The following DYNC2H1 variants were observed in gnomAD, a reference collection of about 807,000 sequenced individuals.
DYNC2H1 encodes the protein cytoplasmic dynein 2 heavy chain 1.
A neutral mutation model predicts 570.0 loss-of-function variants in DYNC2H1; 410 were observed. That is an observed-to-expected ratio of 0.72 (90% CI 0.66 to 0.78). The LOEUF is 0.78. Among genes scored for constraint, DYNC2H1 ranks in the 30% least tolerant of loss-of-function variants. DYNC2H1 has a pLI of 0.00. For missense variants in DYNC2H1, 4,865 were observed against 5,046.4 expected (o/e 0.96, Z 1.09); for synonymous variants, 1,688 against 1,677.6 (o/e 1.01, Z -0.15).
At position 103,189,659 on chromosome 11, in the gene DYNC2H1, C is replaced by T. The variant is rs372796223; in HGVS notation, c.7293-13C>T. On this transcript the variant is annotated splice_polypyrimidine_tract_variant and intron_variant, in intron 44 of 88. Transcript: ENST00000375735. This position sits in a 1 kb window ranked among gnomAD's most constrained non-coding sequence, Gnocchi z 4.3. Reference sequence around the variant, plus strand: ...TTTATTTCAGCTTTCTTCTTATATGCCATTTTTTTTAGTTACCCAGAAAGA... The same window carrying T: ...TTTATTTCAGCTTTCTTCTTATATGTCATTTTTTTTAGTTACCCAGAAAGA... 1.9e-6 allele frequency: 3 copies of T among 1,609,688 alleles called. No individual in the cohort carries two copies. Among genetic ancestry groups the T allele is most frequent in the South Asian group, 2.2e-5 (2 of 90,538 alleles).
chr11:103,422,479 AG>A (rs1392556270), intron 84 of DYNC2H1, among the ~76,000 whole-genome samples: 1 of 152,166 alleles, frequency 6.6e-6, no homozygotes, highest in Non-Finnish European at 1.5e-5. Flanking sequence ...CACATCAAAA[AG>A]CTTATCCACC....
At chr11:103,180,545 A>G (rs964362421) in intron 39 of DYNC2H1, among the ~76,000 whole-genome samples, 3 of 151,724 alleles carry the variant, frequency 2.0e-5, no homozygotes, top group African/African-American at 7.2e-5. Flanking sequence ...ACAAATACAT[A>G]TTAACTTTTT....
At chr11:103,458,176 A>G (rs1693742464) in intron 87 of DYNC2H1, among the ~76,000 whole-genome samples, 1 of 151,928 alleles carries the variant, frequency 6.6e-6, no homozygotes, top group South Asian at 2.1e-4. Flanking sequence ...CAGGTATAGG[A>G]TTTTTTTTAT....
chr11:103,426,349 C>CT (rs1001277626), intron 84 of DYNC2H1, among the ~76,000 whole-genome samples: 4 of 152,152 alleles, frequency 2.6e-5, no homozygotes, highest in Non-Finnish European at 5.9e-5. Context: ...GTGTGTGTGT[C>CT]TTTAATTCCT....
intron 78 of DYNC2H1, among the ~76,000 whole-genome samples, chr11:103,309,173 T>G (rs1431690298): frequency 9.7e-6 from 1 of 102,820 alleles, no homozygotes; most frequent in African/African-American, 3.6e-5. Flanking sequence ...ATGCTATTTT[T>G]TTTTTTTTTT....
At chr11:103,160,409 A>G (rs1212244452) in intron 28 of DYNC2H1, among the ~76,000 whole-genome samples, 1 of 152,040 alleles carries the variant, frequency 6.6e-6, no homozygotes, top group Non-Finnish European at 1.5e-5. Context: ...GTAGACATAC[A>G]TTTTTATTTG....
chr11:103,457,861 ACT>A (rs1445327345), intron 87 of DYNC2H1, among the ~76,000 whole-genome samples: 1 of 152,180 alleles, frequency 6.6e-6, no homozygotes, highest in Non-Finnish European at 1.5e-5. Context: ...TGCTCAAAAC[ACT>A]TTTTACTTTA....
At chr11:103,278,095 G>A (rs574406446) in intron 70 of DYNC2H1, among the ~76,000 whole-genome samples, 89 of 151,938 alleles carry the variant, frequency 5.9e-4, no homozygotes, top group African/African-American at 2.1e-3. Context: ...TTTTTCTGAT[G>A]CTTGAGGACC....
chr11:103,397,363 A>G (rs1364670302), intron 83 of DYNC2H1, among the ~76,000 whole-genome samples: 2 of 152,154 alleles, frequency 1.3e-5, no homozygotes, highest in Non-Finnish European at 2.9e-5. Flanking sequence ...GTCAGTTGCT[A>G]GTTTCATCAA....
chr11:103,111,995 G>T (rs1314546568), intron 1 of DYNC2H1, among the ~76,000 whole-genome samples: 1 of 152,182 alleles, frequency 6.6e-6, no homozygotes, highest in Admixed American at 6.5e-5. Context: ...ATAATTTTGG[G>T]TATTGATAAG....
intron 56 of DYNC2H1, 139 bp from the exon 57 acceptor site, chr11:103,220,484 G>T (rs1863544228): frequency 1.2e-6 from 1 of 847,668 alleles, no homozygotes; most frequent in Admixed American, 3.3e-5. Flanking sequence ...ATGATTGAAA[G>T]CATTTTGATA....
intron 1 of DYNC2H1, among the ~76,000 whole-genome samples, chr11:103,112,433 G>A (rs754351339): frequency 3.3e-5 from 5 of 152,138 alleles, no homozygotes; most frequent in Admixed American, 6.5e-5. Flanking sequence ...TTTCTGTAAC[G>A]GGTCAGATAA....
intron 36 of DYNC2H1, 50 bp downstream of exon 36, chr11:103,174,220 G>A (rs1054738595): frequency 6.7e-5 from 95 of 1,425,448 alleles, no homozygotes; most frequent in Non-Finnish European, 7.6e-5. Flanking sequence ...AAACATAAGC[G>A]TTAATTTAGA....
intron 53 of DYNC2H1, among the ~76,000 whole-genome samples, 156 bp downstream of exon 53, chr11:103,210,116 G>A (rs1863093223): frequency 6.6e-6 from 1 of 151,864 alleles, no homozygotes; most frequent in Non-Finnish European, 1.5e-5. Context: ...AAATTTTGAA[G>A]CCCTTTTTAT....
intron 38 of DYNC2H1, among the ~76,000 whole-genome samples, chr11:103,178,692 G>A (rs552408928): frequency 1.2e-4 from 19 of 152,096 alleles, no homozygotes; most frequent in African/African-American, 4.6e-4. Flanking sequence ...TGGATTTTCT[G>A]TAGTTTCTAA....
chr11:103,111,041 G>T (rs1203747656), intron 1 of DYNC2H1, among the ~76,000 whole-genome samples: 1 of 152,120 alleles, frequency 6.6e-6, no homozygotes, highest in African/African-American at 2.4e-5. Flanking sequence ...GGTCAGGCTG[G>T]TCTCGAACTC....
At position 103,133,670 on chromosome 11, in the gene DYNC2H1, G is replaced by C; in HGVS notation, c.2069G>C (p.Arg690Thr). The change falls in exon 14 of 89, where the codon AGA becomes ACA. Residue 690 changes from arginine to threonine, a missense_variant. By Grantham distance (71) the Arg-to-Thr change is moderately conservative. Around this residue, in one of 5 missense-constraint regions of DYNC2H1, gnomAD observed 1,936 missense variants for 1,962.1 expected, o/e 0.99. Transcript: ENST00000375735. The surrounding 1 kb of genome is among the most constrained non-coding windows in gnomAD (Gnocchi z 4.8). ...NAAERLATEN[R>T]KLRKWHTTFC... ...GCTGAACGGCTTGCCACTGAAAATA[G>C]AAAACTGAGAAAATGGCACACTACA... The C allele has an allele frequency of 1.2e-6, 2 of 1,611,926 alleles. No homozygotes were observed. Among genetic ancestry groups the C allele is most frequent in the Middle Eastern group, 1.7e-4 (1 of 6,054 alleles).
intron 70 of DYNC2H1, among the ~76,000 whole-genome samples, chr11:103,267,741 G>A (rs1865564970): frequency 6.6e-6 from 1 of 151,950 alleles, no homozygotes; most frequent in Non-Finnish European, 1.5e-5. Context: ...TCCTTCATCA[G>A]AGTAAACCAG....
In DYNC2H1 at chr11:103,312,144, G is replaced by T. The variant is rs1867619284; in HGVS notation, c.11649+111G>T. 6 of 1,127,048 alleles carry T rather than the reference G, an allele frequency of 5.3e-6. No homozygotes were observed. The East Asian group carries it at 1.6e-4, about 30-fold the overall frequency. 69.8% of individuals were successfully genotyped at this position (1,127,048 alleles called of 1,614,324 possible). On this transcript the variant is annotated intron_variant, in intron 79 of 88. Coordinates refer to ENST00000375735, the MANE Select transcript of DYNC2H1 (RefSeq NM_001377.3). ...GCCTGTAATCCCAGTACTGTGGGAGGCCAAGGTGGGCGGATCACCTGAGGT... is the reference window on the plus strand; with the variant it reads ...GCCTGTAATCCCAGTACTGTGGGAGTCCAAGGTGGGCGGATCACCTGAGGT...
Sources: gnomAD v4.1 joint callset for allele counts (sites outside exome capture counted in the v4.1 genomes callset) on GRCh38, gnomAD v4.1.1 for gene constraint, gnomAD v4.1.1 regional missense constraint, Gnocchi (gnomAD v3.1) non-coding constraint, MANE v1.5 for transcripts, NCBI Gene and HGNC (gene_info 2026-07-23, HGNC 2026-07-21) for gene names.